Variants in CFAP45 observed in about 807,000 individuals in gnomAD.
The protein encoded by CFAP45 is cilia- and flagella-associated protein 45.
CFAP45 carries 43 observed loss-of-function variants against 75.6 expected under a neutral mutation model. That is an observed-to-expected ratio of 0.57 (90% CI 0.45 to 0.73). The LOEUF (loss-of-function observed/expected upper bound fraction) is 0.73, where lower values mean the gene tolerates loss of function less well. Ranked by LOEUF, CFAP45 falls within the 30% of genes least tolerant of loss-of-function variation. The pLI, the probability that CFAP45 is intolerant of heterozygous loss-of-function variation, is 0.00. For missense variants in CFAP45, 689 were observed against 701.5 expected (o/e 0.98, Z 0.20); for synonymous variants, 223 against 244.6 (o/e 0.91, Z 0.82).
chr1:159,897,210 G>A lies in CFAP45; in HGVS notation c.3+2886C>T, dbSNP rs201433220. ...TCCCGGGAGGCAGAGGTTGCAGTGA[G>A]CCAAGGTTGAGCCACTGCACTCCAG... is the stretch of plus-strand genomic sequence containing the variant. On this transcript the variant is annotated intron_variant, in intron 1 of 11. Coordinates refer to ENST00000368099, the MANE Select transcript of CFAP45 (RefSeq NM_012337.3). Among the ~76,000 whole-genome samples the A allele has an allele frequency of 2.6e-5, 4 of 152,286 alleles. No individual in the cohort carries two copies. In the East Asian group the frequency reaches 7.7e-4, roughly 29 times the overall value.
rs16842781 is a variant in CFAP45 at position 159,880,893 on chromosome 1, C to T, written c.898-193G>A. Reference sequence around the variant, plus strand: ...CCTCTTCAACCAAATGGCCTATTTACAGTCTTCATCCAACTTGACTTTGTG... The same window carrying T: ...CCTCTTCAACCAAATGGCCTATTTATAGTCTTCATCCAACTTGACTTTGTG... On this transcript the variant is annotated intron_variant, in intron 7 of 11. Transcript: ENST00000368099. Among the ~76,000 whole-genome samples, 3,543 of 152,296 alleles carry T rather than the reference C, an allele frequency of 0.023. 307 individuals are homozygous for T. The East Asian group carries it at 0.28, about 12-fold the overall frequency.
rs1650041622 is a variant in CFAP45 at position 159,900,131 on chromosome 1, T to C, written c.-33A>G. ...GCCACACGCCCTGACTCCGGACTTC[T>C]GCTGCCGCCTCGGCGCCGCCAAGGC... On this transcript the variant is annotated 5_prime_UTR_variant, in exon 1 of 12. Coordinates refer to ENST00000368099, the MANE Select transcript of CFAP45 (RefSeq NM_012337.3). 2 of 1,613,988 alleles carry C rather than the reference T, an allele frequency of 1.2e-6. No individual in the cohort carries two copies. The highest frequency in any genetic ancestry group is 1.7e-5 in the Admixed American group (1 of 60,004).
At chr1:159,897,502 G>A (rs2101854420) in intron 1 of CFAP45, among the ~76,000 whole-genome samples, 1 of 152,200 alleles carries the variant, frequency 6.6e-6, no homozygotes, top group Middle Eastern at 3.4e-3. Flanking sequence ...AGAATCGCTT[G>A]AACCTGGGAG....
intron 8 of CFAP45, 82 bp from the exon 9 acceptor site, chr1:159,877,544 C>T: frequency 5.5e-6 from 5 of 913,482 alleles, no homozygotes; most frequent in South Asian, 5.2e-5. Flanking sequence ...AACAGACTTT[C>T]CAATATCTCC....
intron 1 of CFAP45, among the ~76,000 whole-genome samples, chr1:159,897,136 C>G (rs139609131): frequency 6.6e-6 from 1 of 152,040 alleles, no homozygotes; most frequent in Admixed American, 6.6e-5. Flanking sequence ...CGGTGGCGTA[C>G]ACCTATAGTC....
intron 3 of CFAP45, among the ~76,000 whole-genome samples, chr1:159,889,954 C>T (rs1216386393): frequency 2.0e-5 from 3 of 152,176 alleles, no homozygotes; most frequent in African/African-American, 7.2e-5. Flanking sequence ...TGGGCTCAAG[C>T]CTGGGGGCAG....
chr1:159,891,507 G>A (rs1649831124), intron 2 of CFAP45, among the ~76,000 whole-genome samples: 1 of 152,196 alleles, frequency 6.6e-6, no homozygotes, highest in Non-Finnish European at 1.5e-5. Context: ...CAAGAACACA[G>A]ACTAACTGTG....
At chr1:159,890,707 A>T in intron 2 of CFAP45, 85 bp from the exon 3 acceptor site, 5 of 1,117,976 alleles carry the variant, frequency 4.5e-6, no homozygotes, top group Non-Finnish European at 6.6e-6. Context: ...GAGCAGCGTG[A>T]TGCCCTGTAT....
rs11265293 is a variant in CFAP45, at chr1:159,888,960, G to T, written c.273-464C>A. On this transcript the variant is annotated intron_variant, in intron 3 of 11. Coordinates refer to ENST00000368099, the MANE Select transcript of CFAP45 (RefSeq NM_012337.3). ...TAGCCTAGTCTCTGGCATAGCGCTT[G>T]GTACAGAGTGAGAATTCAAAACAAA... is the stretch of plus-strand genomic sequence containing the variant. 6.2e-4 allele frequency among the ~76,000 whole-genome samples: 95 copies of T among 152,102 alleles called. 1 individual carries two copies. Among genetic ancestry groups the T allele is most frequent in the Admixed American group, 3.8e-3 (58 of 15,294 alleles).
At chr1:159,886,445 G>T in intron 6 of CFAP45, 66 bp downstream of exon 6, 1 of 1,351,760 alleles carries the variant, frequency 7.4e-7, no homozygotes. Context: ...CTCTTTGCTA[G>T]GCTACATGGA....
At position 159,872,577 on chromosome 1, in the gene CFAP45, G is replaced by A. The variant is rs764858130; in HGVS notation, c.1578-14C>T. 27 of 1,610,776 alleles carry A rather than the reference G, an allele frequency of 1.7e-5. No individual in the cohort carries two copies. The highest frequency in any genetic ancestry group is 4.0e-5 in the African/African-American group (3 of 74,876). ...AGGCCAGTGGCTCTGCCGGGGAAACGCAGGCAGGTATAAGGAAAGGTATTG... is the reference window on the plus strand; with the variant it reads ...AGGCCAGTGGCTCTGCCGGGGAAACACAGGCAGGTATAAGGAAAGGTATTG... On this transcript the variant is annotated splice_polypyrimidine_tract_variant and intron_variant, in intron 11 of 11. Transcript: ENST00000368099.
chr1:159,887,085 T>C (rs960509301), intron 5 of CFAP45, among the ~76,000 whole-genome samples: 2 of 152,192 alleles, frequency 1.3e-5, no homozygotes, highest in Non-Finnish European at 2.9e-5. Context: ...TAGAGACCCA[T>C]GAACTCCAGG....
intron 8 of CFAP45, 72 bp from the exon 9 acceptor site, chr1:159,877,534 A>G (rs892902841): frequency 8.6e-5 from 89 of 1,033,344 alleles, no homozygotes; most frequent in Non-Finnish European, 1.1e-4. Flanking sequence ...AAACCCCTAC[A>G]ACAGACTTTC....
chr1:159,896,015 G>A (rs912604338), intron 1 of CFAP45, among the ~76,000 whole-genome samples: 2 of 152,236 alleles, frequency 1.3e-5, no homozygotes, highest in Non-Finnish European at 2.9e-5. Flanking sequence ...ACAACTGCCT[G>A]ACTCCAAGTC....
At chr1:159,889,662 G>A (rs1014694273) in intron 3 of CFAP45, among the ~76,000 whole-genome samples, 3 of 152,222 alleles carry the variant, frequency 2.0e-5, no homozygotes, top group African/African-American at 7.2e-5. Context: ...CTGGCTCCAG[G>A]AGTGGCTGCA....
rs746530161 is a variant in CFAP45 at position 159,890,464 on chromosome 1, G to C, written c.272+16C>G. The C allele has an allele frequency of 6.2e-7, 1 of 1,613,704 alleles. No individual in the cohort carries two copies. The highest frequency in any genetic ancestry group is 2.2e-5 in the East Asian group (1 of 44,874). ...ATGAGGACTGGACATAGAAGGGCAG[G>C]GGACGGTGTACTCACATGAGTTCTC... On this transcript the variant is annotated intron_variant, in intron 3 of 11. Transcript: ENST00000368099.
intron 1 of CFAP45, chr1:159,899,834 G>C (rs1650033105): frequency 2.2e-6 from 1 of 450,102 alleles, no homozygotes; most frequent in Non-Finnish European, 4.1e-6. Flanking sequence ...TAATGGCAAC[G>C]GGGAGAGGGT....
rs1571189448 is a variant in CFAP45 at position 159,893,231 on chromosome 1, C to T, written c.78G>A (p.Arg26=). ...CCACCTCAGAGCTCACGGCTTTGGT[C>T]CGATAGCGAGCCTTATTCCTTGACC... is the stretch of plus-strand genomic sequence containing the variant. ...SNRSRNKARY[R]TKAVSSEVDE... The change falls in exon 2 of 12, where the codon CGG becomes CGA. Residue 26 remains arginine, a synonymous_variant. Coordinates refer to ENST00000368099, the MANE Select transcript of CFAP45 (RefSeq NM_012337.3). 2.5e-6 allele frequency: 4 copies of T among 1,613,910 alleles called. No homozygotes were observed. In the South Asian group the frequency reaches 4.4e-5, roughly 18 times the overall value.
intron 1 of CFAP45, among the ~76,000 whole-genome samples, chr1:159,894,925 T>C (rs1423608946): frequency 2.0e-5 from 3 of 152,162 alleles, no homozygotes; most frequent in Non-Finnish European, 4.4e-5. Context: ...ATGTAAGGAA[T>C]TGGCAGTTTT....
Sources: allele counts gnomAD v4.1 joint callset (sites outside exome capture counted in the v4.1 genomes callset), GRCh38; gene constraint gnomAD v4.1.1; transcripts MANE v1.5; gene names NCBI Gene and HGNC (gene_info 2026-07-23, HGNC 2026-07-21).